Variants in SDK1 observed in about 807,000 individuals in gnomAD.
SDK1 encodes the protein protein sidekick-1.
SDK1 carries 157 observed loss-of-function variants against 245.5 expected under a neutral mutation model. The ratio of observed to expected loss-of-function variants is 0.64; its 90% CI spans 0.56 to 0.73. The LOEUF (loss-of-function observed/expected upper bound fraction) is 0.73, where lower values mean the gene tolerates loss of function less well. SDK1 is among the 30% of genes least tolerant of loss of function. The pLI is 0.00. For synonymous variants in SDK1, 1,647 were observed against 1,278.5 expected (o/e 1.29, Z -6.15); for missense variants, 3,583 against 3,002.3 (o/e 1.19, Z -4.52).
At chr7:3,686,831 T>G (rs1430829581) in intron 4 of SDK1, among the ~76,000 whole-genome samples, 2 of 152,094 alleles carry the variant, frequency 1.3e-5, no homozygotes, top group Non-Finnish European at 2.9e-5. Flanking sequence ...CCCTGTGGAT[T>G]GGAGAGTTGG....
At chr7:3,702,899 A>T (rs1331405081) in intron 4 of SDK1, among the ~76,000 whole-genome samples, 1 of 150,682 alleles carries the variant, frequency 6.6e-6, no homozygotes, top group Non-Finnish European at 1.5e-5. Flanking sequence ...ATCACTAGCT[A>T]TTAGAACAGC....
At chr7:3,402,561 A>G (rs1215088221) in intron 1 of SDK1, among the ~76,000 whole-genome samples, 2 of 152,236 alleles carry the variant, frequency 1.3e-5, no homozygotes, top group African/African-American at 2.4e-5. Flanking sequence ...ACAAAGCACA[A>G]TTAAATTTCC....
intron 4 of SDK1, among the ~76,000 whole-genome samples, chr7:3,765,260 T>G (rs1780221220): frequency 6.6e-6 from 1 of 152,196 alleles, no homozygotes; most frequent in African/African-American, 2.4e-5. Flanking sequence ...TGTTCCTTAT[T>G]ATCAATAAAC....
chr7:3,784,709 A>G (rs1178129746), intron 4 of SDK1, among the ~76,000 whole-genome samples: 4 of 152,220 alleles, frequency 2.6e-5, no homozygotes, highest in African/African-American at 9.6e-5. Context: ...AAGACAATAT[A>G]ACATGTGTTG....
intron 25 of SDK1, among the ~76,000 whole-genome samples, chr7:4,124,485 C>T (rs925183158): frequency 6.6e-6 from 1 of 152,104 alleles, no homozygotes; most frequent in African/African-American, 2.4e-5. Context: ...GGACAAATTC[C>T]TTTTTTTATA....
intron 2 of SDK1, among the ~76,000 whole-genome samples, chr7:3,633,792 G>C (rs1782373918): frequency 6.6e-6 from 1 of 152,110 alleles, no homozygotes; most frequent in South Asian, 2.1e-4. Context: ...CTGTTGCATG[G>C]ATGGATATTG....
chr7:3,374,993 A>G (rs1333703518), intron 1 of SDK1, among the ~76,000 whole-genome samples: 3 of 152,178 alleles, frequency 2.0e-5, no homozygotes, highest in Non-Finnish European at 4.4e-5. Context: ...TATGTGCCAC[A>G]TAGTAGACAT....
intron 5 of SDK1, among the ~76,000 whole-genome samples, chr7:3,907,855 A>C (rs978246471): frequency 2.6e-5 from 4 of 152,136 alleles, no homozygotes; most frequent in Admixed American, 6.5e-5. Context: ...AGCTGTGTAC[A>C]CCATGTCTAC....
At chr7:4,129,887 C>T (rs750236049) in intron 26 of SDK1, 21 bp from the exon 27 acceptor site, 9 of 1,612,552 alleles carry the variant, frequency 5.6e-6, no homozygotes, top group African/African-American at 2.7e-5. Flanking sequence ...TGATAACCCT[C>T]GTGCTGTGTC....
At chr7:3,546,500 T>G (rs1779230579) in intron 1 of SDK1, among the ~76,000 whole-genome samples, 1 of 152,214 alleles carries the variant, frequency 6.6e-6, no homozygotes, top group African/African-American at 2.4e-5. Flanking sequence ...GACACTTGTT[T>G]TACATTCAGA....
chr7:4,054,646 G>C (rs1779092090), intron 19 of SDK1, among the ~76,000 whole-genome samples: 1 of 152,064 alleles, frequency 6.6e-6, no homozygotes, highest in South Asian at 2.1e-4. Flanking sequence ...GCAGTGTCTA[G>C]GATTTCTAGT....
chr7:3,374,613 A>G (rs1460632781), intron 1 of SDK1, among the ~76,000 whole-genome samples: 1 of 152,006 alleles, frequency 6.6e-6, no homozygotes, highest in Non-Finnish European at 1.5e-5. Flanking sequence ...CAGTGCTTTG[A>G]ATAAGGTACG....
chr7:4,113,377 G>A lies in SDK1; in HGVS notation c.3523G>A (p.Val1175Met), dbSNP rs149058628. 7.1e-4 allele frequency: 1,141 copies of A among 1,613,890 alleles called. 1 individual carries two copies. Among genetic ancestry groups the A allele is most frequent in the Non-Finnish European group, 9.3e-4 (1,095 of 1,180,032 alleles). ...CCAGACCCTGCAGGCCCCACCCGAC[G>A]TGGCTCCAACCAGCGTCACGGTCCG... ...VIQTLQAPPD[V>M]APTSVTVRTA... The change falls in exon 24 of 45, where the codon GTG becomes ATG. Residue 1175 changes from valine to methionine, a missense_variant. Val to Met is a conservative substitution (Grantham distance 21). Coordinates refer to ENST00000404826, the MANE Select transcript of SDK1 (RefSeq NM_152744.4).
chr7:3,512,256 A>AT lies in SDK1; in HGVS notation c.299-106822dup, dbSNP rs1262617122. 2.0e-5 allele frequency among the ~76,000 whole-genome samples: 3 copies of AT among 152,028 alleles called. No homozygotes were observed. The East Asian group carries it at 5.8e-4, about 29-fold the overall frequency. ...TGATAACTTTCACATAGTAATATTT[A>AT]TTGTTTCCTCCCTGTGTTTTCATAG... On this transcript the variant is annotated intron_variant, in intron 1 of 44. Transcript: ENST00000404826.
At chr7:3,564,284 AAAGAT>A (rs1474175102) in intron 1 of SDK1, among the ~76,000 whole-genome samples, 4 of 152,230 alleles carry the variant, frequency 2.6e-5, no homozygotes, top group African/African-American at 9.6e-5. Flanking sequence ...TGATTCTTTG[AAAGAT>A]AAGATAGACC....
At chr7:4,145,672 T>C in intron 28 of SDK1, 50 bp from the exon 29 acceptor site, 1 of 1,529,528 alleles carries the variant, frequency 6.5e-7, no homozygotes, top group Non-Finnish European at 8.9e-7. Context: ...GGCTTCCCTG[T>C]GCCGTGGGTG....
chr7:3,821,299 T>G, intron 4 of SDK1, 151 bp from the exon 5 acceptor site: 1 of 818,150 alleles, frequency 1.2e-6, no homozygotes, highest in Non-Finnish European at 1.8e-6. Flanking sequence ...CGTTGTCGTA[T>G]TCTTAAAGTC....
intron 1 of SDK1, among the ~76,000 whole-genome samples, chr7:3,595,801 C>G (rs1478454618): frequency 1.5e-5 from 2 of 131,044 alleles, no homozygotes; most frequent in Non-Finnish European, 3.1e-5. Context: ...GCACTCCAGC[C>G]TGGTCGACAG....
intron 1 of SDK1, among the ~76,000 whole-genome samples, chr7:3,384,886 A>G (rs1246746350): frequency 6.6e-6 from 1 of 152,222 alleles, no homozygotes; most frequent in Non-Finnish European, 1.5e-5. Context: ...TAGTGAAATC[A>G]GAAAATAATT....
Sources: gnomAD v4.1 joint callset for allele counts (sites outside exome capture counted in the v4.1 genomes callset) on GRCh38, gnomAD v4.1.1 for gene constraint, MANE v1.5 for transcripts, NCBI Gene and HGNC (gene_info 2026-07-23, HGNC 2026-07-21) for gene names.